Variants in GPC5 observed in about 807,000 individuals in gnomAD.
GPC5 encodes glypican-5.
Under a neutral mutation model 53.9 loss-of-function variants are expected in GPC5, and 47 were observed. The observed-to-expected ratio is 0.87, with a 90% CI of 0.69 to 1.11. GPC5 has a LOEUF of 1.11. GPC5 is among the 50% of genes most tolerant of loss of function. The probability of loss-of-function intolerance (pLI) is 0.00; values close to 1 mark genes in which losing one functional copy is unlikely to be tolerated. For synonymous variants in GPC5, 286 were observed against 263.3 expected (o/e 1.09, Z -0.84); for missense variants, 748 against 713.1 (o/e 1.05, Z -0.56).
At chr13:92,674,717 C>G (rs190416052) in intron 7 of GPC5, among the ~76,000 whole-genome samples, 5 of 152,194 alleles carry the variant, frequency 3.3e-5, no homozygotes, top group Non-Finnish European at 5.9e-5. Flanking sequence ...GAATTTTTAA[C>G]ATCTATGTCT....
At position 91,414,803 on chromosome 13, in the gene GPC5, G is replaced by A. The variant is rs1017928169; in HGVS notation, c.163+15594G>A. 3.3e-5 allele frequency among the ~76,000 whole-genome samples: 5 copies of A among 152,274 alleles called. 1 individual carries two copies. The South Asian group carries it at 6.2e-4, about 19-fold the overall frequency. Reference sequence around the variant, plus strand: ...GTTTAAAAACTTCAAGGAGGGTGTCGCCTTATAAAGTATGGCTATTTTCCA... The same window carrying A: ...GTTTAAAAACTTCAAGGAGGGTGTCACCTTATAAAGTATGGCTATTTTCCA... On this transcript the variant is annotated intron_variant, in intron 1 of 7. Coordinates refer to ENST00000377067, the MANE Select transcript of GPC5 (RefSeq NM_004466.6).
intron 7 of GPC5, among the ~76,000 whole-genome samples, chr13:92,638,020 ATGTAAT>A (rs1056802120): frequency 6.6e-6 from 1 of 152,326 alleles, no homozygotes; most frequent in Middle Eastern, 3.4e-3. Context: ...AAAACAGTGA[ATGTAAT>A]TGTTTAACAA....
At chr13:92,643,038 G>A (rs1885645833) in intron 7 of GPC5, among the ~76,000 whole-genome samples, 1 of 152,142 alleles carries the variant, frequency 6.6e-6, no homozygotes, top group Non-Finnish European at 1.5e-5. Context: ...AGAAGTGTCT[G>A]TTCATGTCCT....
chr13:91,837,975 C>T (rs967154968), intron 5 of GPC5, among the ~76,000 whole-genome samples: 2 of 152,024 alleles, frequency 1.3e-5, no homozygotes, highest in African/African-American at 4.8e-5. Context: ...TGAAGCAGAG[C>T]AGCAGATGTC....
intron 6 of GPC5, among the ~76,000 whole-genome samples, chr13:91,979,512 T>G (rs190059984): frequency 2.6e-5 from 4 of 152,350 alleles, no homozygotes; most frequent in South Asian, 2.1e-4. Context: ...ATATCGACCT[T>G]TGATTCAATT....
At chr13:92,642,943 G>A (rs1003610521) in intron 7 of GPC5, among the ~76,000 whole-genome samples, 7 of 152,152 alleles carry the variant, frequency 4.6e-5, no homozygotes, top group African/African-American at 9.7e-5. Flanking sequence ...GTGCTACAAC[G>A]GTCAGTTATA....
intron 7 of GPC5, among the ~76,000 whole-genome samples, chr13:92,226,390 ATTC>A (rs993400180): frequency 7.9e-5 from 12 of 152,214 alleles, no homozygotes; most frequent in African/African-American, 2.9e-4. Context: ...ATTTTCAGAG[ATTC>A]TTCTTTATAT....
At chr13:91,428,900 A>C (rs1879241009) in intron 1 of GPC5, among the ~76,000 whole-genome samples, 1 of 151,986 alleles carries the variant, frequency 6.6e-6, no homozygotes, top group African/African-American at 2.4e-5. Context: ...TATCTAGTTT[A>C]TGAGCATCTG....
chr13:92,561,513 T>C lies in GPC5; in HGVS notation c.1562-304769T>C, dbSNP rs1326594002. On this transcript the variant is annotated intron_variant, in intron 7 of 7. Transcript: ENST00000377067. The stretch of plus-strand genomic sequence containing the variant: ...GTTGTAAATATTGAATGGTTAACTG[T>C]ATGATGTAGTTAAAATAATGCCTGG... Among the ~76,000 whole-genome samples the C allele has an allele frequency of 2.0e-5, 3 of 152,044 alleles. No homozygotes were observed. In the East Asian group the frequency reaches 5.8e-4, roughly 29 times the overall value.
intron 7 of GPC5, among the ~76,000 whole-genome samples, chr13:92,482,345 GT>G (rs565720488): frequency 3.3e-4 from 51 of 152,242 alleles, no homozygotes; most frequent in African/African-American, 1.1e-3. Flanking sequence ...CCTAAAAGCT[GT>G]TTAGCTTCCC....
intron 6 of GPC5, among the ~76,000 whole-genome samples, chr13:92,014,547 C>T (rs1318179319): frequency 6.6e-6 from 1 of 152,072 alleles, no homozygotes; most frequent in Admixed American, 6.5e-5. Flanking sequence ...CTAATGGAAT[C>T]TATTGCTTGA....
intron 7 of GPC5, among the ~76,000 whole-genome samples, chr13:92,491,078 T>A (rs1422603371): frequency 6.6e-6 from 1 of 152,114 alleles, no homozygotes; most frequent in Non-Finnish European, 1.5e-5. Flanking sequence ...CAGAAATTTA[T>A]TATGTTTTCT....
intron 7 of GPC5, among the ~76,000 whole-genome samples, chr13:92,826,611 A>G (rs1877855603): frequency 6.6e-6 from 1 of 152,162 alleles, no homozygotes; most frequent in Admixed American, 6.6e-5. Flanking sequence ...ATGTTTGAGA[A>G]TCTCCTTAAA....
chr13:91,650,812 A>G lies in GPC5; in HGVS notation c.326-42375A>G, dbSNP rs929744312. On this transcript the variant is annotated intron_variant, in intron 2 of 7. Transcript: ENST00000377067. ...AAAACCATTTGTTCTCAACTGGGGGAAAAATCTTTTCTTAATTTTAATGAA... is the reference window on the plus strand; with the variant it reads ...AAAACCATTTGTTCTCAACTGGGGGGAAAATCTTTTCTTAATTTTAATGAA... Among the ~76,000 whole-genome samples, 19 of 145,452 alleles carry G rather than the reference A, an allele frequency of 1.3e-4. 1 individual carries two copies. The highest frequency in any genetic ancestry group is 3.0e-5 in the Non-Finnish European group (2 of 67,428).
chr13:92,797,342 A>G (rs1328591858), intron 7 of GPC5, among the ~76,000 whole-genome samples: 2 of 152,016 alleles, frequency 1.3e-5, no homozygotes, highest in African/African-American at 4.8e-5. Context: ...CTGTTACTGT[A>G]CCTTTGACTC....
intron 7 of GPC5, among the ~76,000 whole-genome samples, chr13:92,529,255 T>G (rs896150299): frequency 8.5e-5 from 13 of 152,266 alleles, no homozygotes; most frequent in African/African-American, 2.9e-4. Flanking sequence ...ATCAATAATT[T>G]GCATGAATTC....
At chr13:91,447,371 T>A (rs1471528193) in intron 1 of GPC5, among the ~76,000 whole-genome samples, 1 of 151,904 alleles carries the variant, frequency 6.6e-6, no homozygotes, top group African/African-American at 2.4e-5. Context: ...TGAAGTAGAA[T>A]TTGCTCTTAC....
intron 6 of GPC5, among the ~76,000 whole-genome samples, chr13:91,966,925 G>A (rs931116577): frequency 9.9e-5 from 15 of 152,134 alleles, no homozygotes; most frequent in Admixed American, 2.0e-4. Flanking sequence ...AATACTTGAA[G>A]TTAAATATTT....
At chr13:91,415,127 A>G (rs941696708) in intron 1 of GPC5, among the ~76,000 whole-genome samples, 1 of 152,122 alleles carries the variant, frequency 6.6e-6, no homozygotes, top group Non-Finnish European at 1.5e-5. Context: ...TTGACTGGGC[A>G]TGCTAACAAT....
Sources: allele counts gnomAD v4.1 joint callset (sites outside exome capture counted in the v4.1 genomes callset), GRCh38; gene constraint gnomAD v4.1.1; transcripts MANE v1.5; gene names NCBI Gene and HGNC (gene_info 2026-07-23, HGNC 2026-07-21).